CCDC32: variants seen among roughly 807,000 people sequenced by gnomAD.
CCDC32 encodes the protein coiled-coil domain-containing protein 32.
Under a neutral mutation model 20.1 loss-of-function variants are expected in CCDC32, and 9 were observed. The ratio of observed to expected loss-of-function variants is 0.45; its 90% CI spans 0.27 to 0.78. The LOEUF is 0.78. Among genes scored for constraint, CCDC32 ranks in the 30% least tolerant of loss-of-function variants. The pLI is 0.16. For missense variants in CCDC32, 204 were observed against 215.5 expected, an observed-to-expected ratio of 0.95 and a Z score of 0.33; for synonymous variants, 63 against 79.0, an observed-to-expected ratio of 0.80 and a Z score of 1.07.
At chr15:40,536,936 T>C (rs1252410057), downstream of CCDC32, 1 of 152,262 alleles carries the variant, frequency 6.6e-6, no homozygotes, top group East Asian at 1.9e-4. Context: ...GCACTTGAAC[T>C]GAACCTTGAA....
At chr15:40,538,251 G>T (rs1478841198), downstream of CCDC32, 1 of 152,174 alleles carries the variant, frequency 6.6e-6, no homozygotes, top group African/African-American at 2.4e-5. Context: ...TAAATAAGAA[G>T]ACCACATTTT....
downstream of CCDC32, among the ~76,000 whole-genome samples, chr15:40,533,092 A>G (rs148616483): frequency 6.6e-6 from 1 of 152,268 alleles, no homozygotes; most frequent in East Asian, 1.9e-4. Context: ...TGAGCTCTGT[A>G]CCAGGTGCTG....
chr15:40,562,012 CAA>C (rs923286335), intron 2 of CCDC32: 2 of 37,652 alleles, frequency 5.3e-5, no homozygotes, highest in Non-Finnish European at 1.3e-4. Context: ...AAATGGCTAA[CAA>C]GAGGCAGAAT....
chr15:40,528,565 T>G (rs1265837372), downstream of CCDC32: 1 of 573,216 alleles, frequency 1.7e-6, no homozygotes, highest in African/African-American at 1.9e-5. Context: ...AGGTAGAGGC[T>G]GCAAAGAGTC....
downstream of CCDC32, among the ~76,000 whole-genome samples, chr15:40,524,811 C>T (rs1017014728): frequency 2.2e-5 from 3 of 137,560 alleles, no homozygotes; most frequent in South Asian, 4.6e-4. Flanking sequence ...TCTACAGCCT[C>T]GACCTCCTGG....
Position 40,553,711 on chromosome 15 carries a change from T to G in CCDC32, c.*260A>C. On this transcript the variant is annotated 3_prime_UTR_variant, in exon 4 of 4. Transcript: ENST00000416810. Reference sequence around the variant, plus strand: ...CTGTGAGACACAGAGGAAAGCAGCATTTTGATCCAGTGTGCACTGGGTCAG... The same window carrying G: ...CTGTGAGACACAGAGGAAAGCAGCAGTTTGATCCAGTGTGCACTGGGTCAG... 8.1e-7 allele frequency: 1 copy of G among 1,240,824 alleles called. No individual in the cohort carries two copies. The highest frequency in any genetic ancestry group is 1.0e-6 in the Non-Finnish European group (1 of 990,916). 76.9% of individuals were successfully genotyped at this position (1,240,824 alleles called of 1,614,324 possible). A position where few individuals can be genotyped will look rare whatever the true frequency, so the allele number is the denominator to read the frequency against.
At chr15:40,545,001 A>G (rs183274984) in intron 3 of CCDC32, among the ~76,000 whole-genome samples, 130 of 152,310 alleles carry the variant, frequency 8.5e-4, no homozygotes, top group Non-Finnish European at 1.5e-3. Flanking sequence ...TATTCACTCA[A>G]CCAAATCATT....
At chr15:40,543,874 A>G (rs117295797) in intron 3 of CCDC32, among the ~76,000 whole-genome samples, 1,652 of 152,308 alleles carry the variant, frequency 0.011, 9 homozygotes, top group Non-Finnish European at 0.017. Flanking sequence ...TCAGAGAGGC[A>G]TGACCACTGC....
At chr15:40,530,283 C>T (rs528131470), downstream of CCDC32, among the ~76,000 whole-genome samples, 6 of 87,768 alleles carry the variant, frequency 6.8e-5, no homozygotes, top group African/African-American at 2.3e-4. Context: ...ACGAGCGAAA[C>T]TACATCTCAA....
chr15:40,538,944 C>T (rs978577930), downstream of CCDC32: 5 of 434,666 alleles, frequency 1.2e-5, no homozygotes, highest in Admixed American at 1.8e-4. Flanking sequence ...AGGTCTAGTG[C>T]TTGCCACAGG....
intron 2 of CCDC32, among the ~76,000 whole-genome samples, 193 bp downstream of exon 2, chr15:40,562,579 A>C (rs1890718159): frequency 6.6e-6 from 1 of 152,146 alleles, no homozygotes; most frequent in African/African-American, 2.4e-5. Context: ...AAAGTCTCAA[A>C]AAATTAAAAA....
chr15:40,558,503 C>T (rs987092683), intron 2 of CCDC32, among the ~76,000 whole-genome samples: 4 of 152,054 alleles, frequency 2.6e-5, no homozygotes, highest in Non-Finnish European at 5.9e-5. Context: ...TAAAAACAAT[C>T]TTCATATTGT....
At chr15:40,546,733 G>A (rs1034112183) in intron 3 of CCDC32, among the ~76,000 whole-genome samples, 2 of 138,372 alleles carry the variant, frequency 1.4e-5, no homozygotes, top group African/African-American at 5.4e-5. Flanking sequence ...AGACAGTCTT[G>A]CTCTGTTGCC....
chr15:40,563,103 C>T (rs1890766882), intron 1 of CCDC32, 76 bp from the exon 2 acceptor site: 14 of 1,504,994 alleles, frequency 9.3e-6, no homozygotes, highest in Non-Finnish European at 1.2e-5. Context: ...TGGCTCACGA[C>T]TGTAATCCCA....
chr15:40,532,307 A>G (rs1888906128), downstream of CCDC32: 4 of 702,942 alleles, frequency 5.7e-6, no homozygotes, highest in East Asian at 1.1e-4. Flanking sequence ...AGTCACCTGG[A>G]AAAGAAGAGT....
At chr15:40,564,844 GC>G (rs1478972392) in intron 1 of CCDC32, 131 bp downstream of exon 1, 1 of 1,605,706 alleles carries the variant, frequency 6.2e-7, no homozygotes, top group Non-Finnish European at 8.5e-7. Flanking sequence ...CAGATCCCAG[GC>G]CTCAGTCGCT....
chr15:40,523,757 C>T (rs1894862928), downstream of CCDC32, among the ~76,000 whole-genome samples: 1 of 152,144 alleles, frequency 6.6e-6, no homozygotes, highest in Non-Finnish European at 1.5e-5. Context: ...CAGTGAAATA[C>T]ACACCCACCA....
At chr15:40,552,541 T>C (rs1445416448), downstream of CCDC32, among the ~76,000 whole-genome samples, 1 of 150,488 alleles carries the variant, frequency 6.6e-6, no homozygotes, top group Non-Finnish European at 1.5e-5. Context: ...AAAATATTTG[T>C]ATCACTAAGC....
rs1171814249 is a variant in CCDC32, at chr15:40,557,336, T to A, written c.281A>T (p.Glu94Val). The change falls in exon 3 of 4, where the codon GAA becomes GTA. Residue 94 changes from glutamate to valine, a missense_variant. Physicochemically the swap from Glu to Val is moderately radical, Grantham distance 121. Coordinates refer to ENST00000416810, the MANE Select transcript of CCDC32 (RefSeq NM_001080792.4). ...TCGAAGCATGTCCTTGGAAGTCACTTCCTGATTTAAACCTTTGATTCTTCT... is the reference window on the plus strand; with the variant it reads ...TCGAAGCATGTCCTTGGAAGTCACTACCTGATTTAAACCTTTGATTCTTCT... ...KLRRIKGLNQ[E>V]VTSKDMLRTL... 4.3e-6 allele frequency: 7 copies of A among 1,613,890 alleles called. No individual in the cohort carries two copies. The highest frequency in any genetic ancestry group is 5.9e-6 in the Non-Finnish European group (7 of 1,179,934).
Sources: allele counts gnomAD v4.1 joint callset (sites outside exome capture counted in the v4.1 genomes callset), GRCh38; gene constraint gnomAD v4.1.1; transcripts MANE v1.5; gene names NCBI Gene and HGNC (gene_info 2026-07-23, HGNC 2026-07-21).